The following TTC7B variants were observed in gnomAD, a reference collection of about 807,000 sequenced individuals.
TTC7B encodes the protein tetratricopeptide repeat domain 7B.
In TTC7B, 28 loss-of-function variants were observed where a neutral mutation model predicts 106.8. The observed-to-expected ratio is 0.26, with a 90% CI of 0.19 to 0.36. The LOEUF is 0.36. Ranked by LOEUF, TTC7B falls within the 10% of genes least tolerant of loss-of-function variation. The pLI, the probability that TTC7B is intolerant of heterozygous loss-of-function variation, is 1.00. For synonymous variants in TTC7B, 405 were observed against 430.6 expected, an observed-to-expected ratio of 0.94 and a Z score of 0.74; for missense variants, 862 against 1,076.4, an observed-to-expected ratio of 0.80 and a Z score of 2.79.
chr14:90,652,952 A>T, intron 12 of TTC7B, 54 bp from the exon 13 acceptor site: 1 of 1,578,828 alleles, frequency 6.3e-7, no homozygotes, highest in Middle Eastern at 1.7e-4. Flanking sequence ...AATTTTGACA[A>T]ATACAAAACC....
chr14:90,635,378 T>G (rs1381953604), intron 15 of TTC7B, among the ~76,000 whole-genome samples: 1 of 152,156 alleles, frequency 6.6e-6, no homozygotes, highest in African/African-American at 2.4e-5. Context: ...AATAGCATGG[T>G]AGACACAAAT....
chr14:90,792,415 A>G (rs1236827412), intron 1 of TTC7B, among the ~76,000 whole-genome samples: 1 of 152,076 alleles, frequency 6.6e-6, no homozygotes, highest in Non-Finnish European at 1.5e-5. Flanking sequence ...TGTCCCTACT[A>G]AAAATACAAA....
intron 5 of TTC7B, among the ~76,000 whole-genome samples, chr14:90,725,164 G>A (rs536763205): frequency 3.3e-5 from 5 of 152,324 alleles, no homozygotes; most frequent in African/African-American, 1.2e-4. Context: ...AGTTTTAAAC[G>A]TGAACACTTG....
rs1566822056 is a variant in TTC7B, at chr14:90,657,535, T to G, written c.1237-257A>C. The G allele has an allele frequency of 3.1e-6, 1 of 323,748 alleles. No homozygotes were observed. Among genetic ancestry groups the G allele is most frequent in the Admixed American group, 4.5e-5 (1 of 22,114 alleles). 20.1% of individuals were successfully genotyped at this position (323,748 alleles called of 1,614,324 possible). A position where few individuals can be genotyped will look rare whatever the true frequency, so the allele number is the denominator to read the frequency against. On this transcript the variant is annotated intron_variant, in intron 10 of 19. Transcript: ENST00000328459. This position sits in a 1 kb window ranked among gnomAD's most constrained non-coding sequence, Gnocchi z 4.2. Reference sequence around the variant, plus strand: ...ATTTCATTCCATACTTGTGTAGCTATTGGAAAATTAAGAAAAACATAAAGA... The same window carrying G: ...ATTTCATTCCATACTTGTGTAGCTAGTGGAAAATTAAGAAAAACATAAAGA...
In TTC7B at chr14:90,655,126, A is replaced by C; in HGVS notation, c.1342-16T>G. 2 of 1,588,796 alleles carry C rather than the reference A, an allele frequency of 1.3e-6. No individual in the cohort carries two copies. Among genetic ancestry groups the C allele is most frequent in the Non-Finnish European group, 1.7e-6 (2 of 1,157,062 alleles). On this transcript the variant is annotated splice_polypyrimidine_tract_variant and intron_variant, in intron 11 of 19. Coordinates refer to ENST00000328459, the MANE Select transcript of TTC7B (RefSeq NM_001010854.2). Reference sequence around the variant, plus strand: ...CCTCTTCCAACTGAAAAATGAGACAAGTTAAAAACAACAACAACCTGCAGA... The same window carrying C: ...CCTCTTCCAACTGAAAAATGAGACACGTTAAAAACAACAACAACCTGCAGA...
At chr14:90,658,526 C>A in intron 9 of TTC7B, 139 bp from the exon 10 acceptor site, 1 of 793,590 alleles carries the variant, frequency 1.3e-6, no homozygotes, top group Non-Finnish European at 2.1e-6. Flanking sequence ...CATAATCCAC[C>A]ACCAAACGGC....
Position 90,610,852 on chromosome 14 carries a change from G to C in TTC7B, c.1869-13C>G, listed in dbSNP as rs1335314313. 1.2e-6 allele frequency: 2 copies of C among 1,600,114 alleles called. No homozygotes were observed. Among genetic ancestry groups the C allele is most frequent in the East Asian group, 4.5e-5 (2 of 44,820 alleles). On this transcript the variant is annotated splice_polypyrimidine_tract_variant and intron_variant, in intron 16 of 19. Coordinates refer to ENST00000328459, the MANE Select transcript of TTC7B (RefSeq NM_001010854.2). ...ACGTCCAGAATCACTGCAAAACACA[G>C]CTACAAATGTCAGTCACCTGCAAGG...
chr14:90,672,138 G>A (rs1211829950), intron 9 of TTC7B, among the ~76,000 whole-genome samples: 1 of 152,210 alleles, frequency 6.6e-6, no homozygotes. Context: ...GTGCCCTGAC[G>A]TGTAAGTGTT....
At chr14:90,774,064 G>T (rs2140029037) in intron 3 of TTC7B, among the ~76,000 whole-genome samples, 1 of 152,334 alleles carries the variant, frequency 6.6e-6, no homozygotes, top group African/African-American at 2.4e-5. Flanking sequence ...ACTGGACACT[G>T]CCCTACCTCT....
intron 3 of TTC7B, among the ~76,000 whole-genome samples, chr14:90,747,134 C>A (rs1401624922): frequency 6.6e-6 from 1 of 152,192 alleles, no homozygotes; most frequent in African/African-American, 2.4e-5. Context: ...GGGCTGGAGA[C>A]TGACTAAGGT....
chr14:90,657,895 T>TATATTATATATATA lies in TTC7B; in HGVS notation c.1236+408_1236+409insTATATATATAATAT. ...GCAGCATCAAGCTTCTATCCTGCCGTTGGACTCCCTCAGCCCACATTTTCA... is the reference window on the plus strand; with the variant it reads ...GCAGCATCAAGCTTCTATCCTGCCGTATATTATATATATATGGACTCCCTCAGCCCACATTTTCA... On this transcript the variant is annotated intron_variant, in intron 10 of 19. Coordinates refer to ENST00000328459, the MANE Select transcript of TTC7B (RefSeq NM_001010854.2). This position sits in a 1 kb window ranked among gnomAD's most constrained non-coding sequence, Gnocchi z 4.2. 5.2e-6 allele frequency: 1 copy of TATATTATATATATA among 190,914 alleles called. No homozygotes were observed. Among genetic ancestry groups the TATATTATATATATA allele is most frequent in the South Asian group, 9.2e-5 (1 of 10,812 alleles). The allele number at this position is 190,914 out of a possible 1,614,324, so 11.8% of individuals were successfully genotyped here.
intron 17 of TTC7B, among the ~76,000 whole-genome samples, chr14:90,610,210 C>T (rs1892815322): frequency 6.6e-6 from 1 of 152,224 alleles, no homozygotes; most frequent in African/African-American, 2.4e-5. Context: ...GTTAGGTGGA[C>T]TCACTCCCCT....
At chr14:90,669,147 A>T (rs1026309975) in intron 9 of TTC7B, among the ~76,000 whole-genome samples, 5 of 150,362 alleles carry the variant, frequency 3.3e-5, no homozygotes, top group African/African-American at 1.2e-4. Flanking sequence ...GTGCTAGGAC[A>T]ACTGGATTTC....
chr14:90,752,762 A>C (rs928724709), intron 3 of TTC7B, among the ~76,000 whole-genome samples: 5 of 152,242 alleles, frequency 3.3e-5, no homozygotes. Context: ...TAAATGATAA[A>C]GCCAGGTTCC....
chr14:90,799,178 A>G (rs922285213), intron 1 of TTC7B, among the ~76,000 whole-genome samples: 2 of 152,102 alleles, frequency 1.3e-5, no homozygotes, highest in African/African-American at 4.8e-5. Context: ...GACTCACCCA[A>G]GGGTGCTTGG....
intron 1 of TTC7B, among the ~76,000 whole-genome samples, chr14:90,800,100 G>A (rs111904310): frequency 0.066 from 9,968 of 152,160 alleles, 674 homozygotes; most frequent in African/African-American, 0.17. Context: ...CCAAAATGCT[G>A]GGATTACAGG....
rs1407081591 is a variant in TTC7B, at chr14:90,577,792, C to T, written c.2310+314G>A. 6.6e-6 allele frequency among the ~76,000 whole-genome samples: 1 copy of T among 152,242 alleles called. No individual in the cohort carries two copies. The highest frequency in any genetic ancestry group is 2.1e-4 in the South Asian group (1 of 4,836). ...AGAGGCTGAGATGACAGTGACAATG[C>T]CCCACGGCCACAAGAATGTCTTTAT... On this transcript the variant is annotated intron_variant, in intron 19 of 19. Transcript: ENST00000328459. The surrounding 1 kb of genome is among the most constrained non-coding windows in gnomAD (Gnocchi z 5.0).
chr14:90,729,028 T>C (rs12883490), intron 5 of TTC7B, among the ~76,000 whole-genome samples: 42,750 of 152,194 alleles, frequency 0.28, 6,608 homozygotes, highest in Non-Finnish European at 0.34. Flanking sequence ...AAGAGCATCT[T>C]TGTGCCAAGG....
Position 90,781,580 on chromosome 14 carries a change from T to G in TTC7B, c.277-674A>C, listed in dbSNP as rs189403695. 7.4e-4 allele frequency among the ~76,000 whole-genome samples: 113 copies of G among 152,284 alleles called. 1 individual carries two copies. Among genetic ancestry groups the G allele is most frequent in the African/African-American group, 2.6e-3 (106 of 41,560 alleles). On this transcript the variant is annotated intron_variant, in intron 2 of 19. Coordinates refer to ENST00000328459, the MANE Select transcript of TTC7B (RefSeq NM_001010854.2). ...TAAGTTAAACATACAAGCACCTGTC[T>G]CAGAAAAGGAAGCGGCCAGACATCC...
Sources: allele counts gnomAD v4.1 joint callset (sites outside exome capture counted in the v4.1 genomes callset), GRCh38; gene constraint gnomAD v4.1.1; non-coding constraint Gnocchi (gnomAD v3.1); transcripts MANE v1.5; gene names NCBI Gene and HGNC (gene_info 2026-07-23, HGNC 2026-07-21).